The following RBFOX1 variants were observed in gnomAD, a reference collection of about 807,000 sequenced individuals.
RBFOX1 encodes RNA binding fox-1 homolog 1.
RBFOX1 carries 8 observed loss-of-function variants against 57.7 expected under a neutral mutation model. The ratio of observed to expected loss-of-function variants is 0.14; its 90% confidence interval spans 0.08 to 0.25. The LOEUF (loss-of-function observed/expected upper bound fraction) is 0.25, where lower values mean the gene tolerates loss of function less well. RBFOX1 is among the 10% of genes least tolerant of loss of function. RBFOX1 has a pLI of 1.00. For synonymous variants in RBFOX1, 326 were observed against 222.4 expected, an observed-to-expected ratio of 1.47 and a Z score of -4.15; for missense variants, 611 against 548.5, an observed-to-expected ratio of 1.11 and a Z score of -1.14.
At chr16:6,252,755 G>C (rs1285089572) in intron 1 of RBFOX1, among the ~76,000 whole-genome samples, 1 of 152,192 alleles carries the variant, frequency 6.6e-6, no homozygotes, top group Non-Finnish European at 1.5e-5. Context: ...TGGAGCAGCA[G>C]ATGAGGTAGT....
intron 2 of RBFOX1, among the ~76,000 whole-genome samples, chr16:6,432,632 A>T (rs1455447592): frequency 6.6e-6 from 1 of 152,060 alleles, no homozygotes; most frequent in Non-Finnish European, 1.5e-5. Flanking sequence ...CAGTGAGCCG[A>T]GATCGCAGCA....
chr16:6,824,743 G>A (rs972947517), intron 3 of RBFOX1, among the ~76,000 whole-genome samples: 1 of 151,812 alleles, frequency 6.6e-6, no homozygotes. Flanking sequence ...AAGTCCAAAA[G>A]CTTTCTTTAA....
chr16:6,489,604 C>A (rs145249000), intron 2 of RBFOX1, among the ~76,000 whole-genome samples: 1 of 152,076 alleles, frequency 6.6e-6, no homozygotes, highest in African/African-American at 2.4e-5. Flanking sequence ...GAAGCCTAAG[C>A]GTTGAGGCAC....
intron 1 of RBFOX1, among the ~76,000 whole-genome samples, chr16:5,255,330 A>ATCCATCCATCCATCCATCCC (rs2062559046): frequency 1.7e-5 from 2 of 118,574 alleles, no homozygotes; most frequent in African/African-American, 3.4e-5. Context: ...CCTTCCATCC[A>ATCCATCCATCCATCCATCCC]TCCATCCATC....
intron 4 of RBFOX1, among the ~76,000 whole-genome samples, chr16:7,331,715 G>T (rs67733657): frequency 0.039 from 5,900 of 152,110 alleles, 142 homozygotes; most frequent in Non-Finnish European, 0.06. Context: ...GAGTGAACAG[G>T]GTTCAGAGAG....
chr16:7,388,852 G>A (rs2097934495), intron 4 of RBFOX1, among the ~76,000 whole-genome samples: 1 of 152,084 alleles, frequency 6.6e-6, no homozygotes, highest in Non-Finnish European at 1.5e-5. Flanking sequence ...ATGATGTTCA[G>A]TAGGTTAGGT....
chr16:7,098,316 T>C (rs2062040476), intron 4 of RBFOX1, among the ~76,000 whole-genome samples: 1 of 152,112 alleles, frequency 6.6e-6, no homozygotes, highest in South Asian at 2.1e-4. Context: ...ATTACAGGTG[T>C]GCATCGCCAT....
chr16:6,591,557 G>T (rs1216990087), intron 2 of RBFOX1, among the ~76,000 whole-genome samples: 1 of 152,126 alleles, frequency 6.6e-6, no homozygotes, highest in Non-Finnish European at 1.5e-5. Flanking sequence ...GGTAGAGCTG[G>T]GAGAGGAGAC....
intron 4 of RBFOX1, among the ~76,000 whole-genome samples, chr16:7,301,009 T>C (rs1042705220): frequency 6.6e-6 from 1 of 151,370 alleles, no homozygotes; most frequent in Non-Finnish European, 1.5e-5. Context: ...TCCCCACTTC[T>C]CCCATTTATT....
At chr16:6,483,932 C>T (rs965648783) in intron 2 of RBFOX1, 5 of 1,070,826 alleles carry the variant, frequency 4.7e-6, no homozygotes, top group Non-Finnish European at 5.7e-6. Flanking sequence ...AGCCGAGCTC[C>T]AGCTCCGGGG....
intron 2 of RBFOX1, among the ~76,000 whole-genome samples, chr16:5,505,778 A>G (rs2043357336): frequency 6.6e-6 from 1 of 152,066 alleles, no homozygotes; most frequent in Non-Finnish European, 1.5e-5. Flanking sequence ...TGGCTTTTGG[A>G]GGGCTGCTTG....
chr16:7,305,862 G>T (rs573500879), intron 4 of RBFOX1, among the ~76,000 whole-genome samples: 1 of 152,296 alleles, frequency 6.6e-6, no homozygotes, highest in Non-Finnish European at 1.5e-5. Context: ...TTTCCCAAGA[G>T]AGTATTGATA....
At chr16:6,804,148 C>G (rs1027168918) in intron 3 of RBFOX1, among the ~76,000 whole-genome samples, 1 of 152,102 alleles carries the variant, frequency 6.6e-6, no homozygotes, top group South Asian at 2.1e-4. Context: ...GCTGGGATTA[C>G]AGGTGCCCGC....
chr16:7,598,427 C>T (rs2094824219), intron 9 of RBFOX1, among the ~76,000 whole-genome samples: 1 of 152,018 alleles, frequency 6.6e-6, no homozygotes, highest in South Asian at 2.1e-4. Context: ...AACTTTATTA[C>T]ATCAAAAGGA....
At chr16:7,051,680 G>A (rs1356505732) in intron 3 of RBFOX1, among the ~76,000 whole-genome samples, 4 of 152,162 alleles carry the variant, frequency 2.6e-5, no homozygotes, top group Non-Finnish European at 5.9e-5. Context: ...ATGACCATCT[G>A]GAGTGGGCCT....
chr16:6,962,708 T>TA (rs1164779977), intron 3 of RBFOX1, among the ~76,000 whole-genome samples: 1 of 151,856 alleles, frequency 6.6e-6, no homozygotes, highest in African/African-American at 2.4e-5. Context: ...CTACAAATAG[T>TA]AAAAAATTAG....
chr16:5,740,961 A>G (rs2052750504), intron 3 of RBFOX1, among the ~76,000 whole-genome samples: 1 of 152,158 alleles, frequency 6.6e-6, no homozygotes, highest in Non-Finnish European at 1.5e-5. Flanking sequence ...GAGTGGGATC[A>G]TGAGGGATGG....
rs1381727494 is a variant in RBFOX1, at chr16:5,856,211, ATATATG to A, written c.319-11086_319-11081del. ...TCTATATATATATATATATATACAT[ATATATG>A]TATATATATATGTATATATATGTGT... is the stretch of plus-strand genomic sequence containing the variant. On this transcript the variant is annotated intron_variant, in intron 3 of 19. Coordinates refer to the RBFOX1 transcript ENST00000641259. 7.4e-3 allele frequency among the ~76,000 whole-genome samples: 288 copies of A among 39,166 alleles called. 9 individuals are homozygous for A. Among genetic ancestry groups the A allele is most frequent in the African/African-American group, 0.016 (220 of 13,750 alleles). The allele number at this position is 39,166 out of a possible 152,430, so 25.7% of individuals were successfully genotyped here.
intron 1 of RBFOX1, among the ~76,000 whole-genome samples, chr16:6,212,107 C>G (rs2097302385): frequency 6.6e-6 from 1 of 152,070 alleles, no homozygotes; most frequent in Non-Finnish European, 1.5e-5. Context: ...ATCTGCCAAC[C>G]TCGGCCTCCC....
Sources: gnomAD v4.1 joint callset for allele counts (sites outside exome capture counted in the v4.1 genomes callset) on GRCh38, gnomAD v4.1.1 for gene constraint, MANE v1.5 for transcripts, NCBI Gene and HGNC (gene_info 2026-07-23, HGNC 2026-07-21) for gene names.